Variants in VTI1A observed in about 807,000 individuals in gnomAD.
The protein encoded by VTI1A is vesicle transport through interaction with t-SNAREs homolog 1A.
In VTI1A, 22 loss-of-function variants were observed where a neutral mutation model predicts 34.9. The observed-to-expected ratio is 0.63, with a 90% CI of 0.45 to 0.90. The LOEUF (loss-of-function observed/expected upper bound fraction) is 0.90, where lower values mean the gene tolerates loss of function less well. Among genes scored for constraint, VTI1A ranks in the 40% least tolerant of loss-of-function variants. The pLI is 0.00. For synonymous variants in VTI1A, 87 were observed against 97.3 expected (o/e 0.89, Z 0.62); for missense variants, 268 against 275.6 (o/e 0.97, Z 0.20).
the VTI1A span, among the ~76,000 whole-genome samples, chr10:112,848,901 G>A: frequency 0.022 from 3,313 of 152,226 alleles, 117 homozygotes; most frequent in African/African-American, 0.076. Flanking sequence ...AAGGGTAGGG[G>A]GTCATCTTTC....
Position 112,527,706 on chromosome 10 carries a change from CATAATA to C in VTI1A, c.342+570_342+575del, listed in dbSNP as rs57108083. On this transcript the variant is annotated intron_variant, in intron 4 of 7. Transcript: ENST00000393077. Reference sequence around the variant, plus strand: ...GGAACTGCTTCTGTCAAATAATAGTCATAATAATAATAATAATAATAATAATAATAA... The same window carrying C: ...GGAACTGCTTCTGTCAAATAATAGTCATAATAATAATAATAATAATAATAA... 8.1e-3 allele frequency among the ~76,000 whole-genome samples: 1,192 copies of C among 147,078 alleles called. 16 individuals carry two copies. The highest frequency in any genetic ancestry group is 0.027 in the African/African-American group (1,083 of 39,940).
chr10:112,457,717 C>T (rs891922681), intron 1 of VTI1A, among the ~76,000 whole-genome samples: 1 of 152,056 alleles, frequency 6.6e-6, no homozygotes, highest in Non-Finnish European at 1.5e-5. Flanking sequence ...GGGACATAGA[C>T]GATAGTCATA....
the VTI1A span, among the ~76,000 whole-genome samples, chr10:112,837,853 T>G: frequency 6.6e-6 from 1 of 152,148 alleles, no homozygotes; most frequent in East Asian, 1.9e-4. Flanking sequence ...TGCCTCACAG[T>G]CATGAAATGA....
chr10:112,557,295 TG>T (rs1202713458), intron 5 of VTI1A, among the ~76,000 whole-genome samples: 1 of 152,170 alleles, frequency 6.6e-6, no homozygotes, highest in East Asian at 1.9e-4. Context: ...GATCATAACT[TG>T]GAGTGTGTAC....
intron 7 of VTI1A, among the ~76,000 whole-genome samples, chr10:112,684,616 T>C (rs1004293104): frequency 1.4e-4 from 22 of 152,008 alleles, no homozygotes; most frequent in Non-Finnish European, 5.9e-5. Context: ...CTTTTTTGTA[T>C]TTTTAGTAGA....
At chr10:112,496,085 C>T (rs866952544) in intron 3 of VTI1A, among the ~76,000 whole-genome samples, 40 of 147,044 alleles carry the variant, frequency 2.7e-4, no homozygotes, top group Middle Eastern at 3.5e-3. Flanking sequence ...TGGCCAGGTG[C>T]GATGGCTCAC....
At chr10:112,630,951 G>A (rs1276393495) in intron 5 of VTI1A, among the ~76,000 whole-genome samples, 3 of 152,114 alleles carry the variant, frequency 2.0e-5, no homozygotes, top group South Asian at 4.2e-4. Context: ...ATGAAACCCC[G>A]TCTCTACTAA....
chr10:112,854,292 C>T, the VTI1A span, among the ~76,000 whole-genome samples: 1 of 152,194 alleles, frequency 6.6e-6, no homozygotes, highest in African/African-American at 2.4e-5. Context: ...GAACTAAGTC[C>T]ATTAGCCCAA....
At chr10:112,834,299 T>C in the VTI1A span, among the ~76,000 whole-genome samples, 8 of 152,188 alleles carry the variant, frequency 5.3e-5, no homozygotes, top group African/African-American at 1.4e-4. Flanking sequence ...TCAAGTGAGC[T>C]GATGCCTGCT....
At chr10:112,485,419 A>C (rs1256188442) in intron 3 of VTI1A, 1 of 152,208 alleles carries the variant, frequency 6.6e-6, no homozygotes, top group Non-Finnish European at 1.5e-5. Context: ...ATATGATTTG[A>C]TGTTGTATTT....
intron 1 of VTI1A, among the ~76,000 whole-genome samples, chr10:112,451,970 A>T (rs896621337): frequency 2.0e-5 from 3 of 152,216 alleles, no homozygotes; most frequent in Non-Finnish European, 4.4e-5. Context: ...ATTAAAACTA[A>T]TTTCACTTGT....
intron 5 of VTI1A, among the ~76,000 whole-genome samples, chr10:112,568,273 G>A (rs1026673418): frequency 6.6e-6 from 1 of 152,108 alleles, no homozygotes; most frequent in African/African-American, 2.4e-5. Flanking sequence ...TTGAGAGGCC[G>A]AGGTGGGCAG....
the VTI1A span, among the ~76,000 whole-genome samples, chr10:112,846,143 G>A: frequency 1.3e-5 from 2 of 152,182 alleles, no homozygotes; most frequent in African/African-American, 2.4e-5. Context: ...CAAAATAAGC[G>A]AGTCATCTTC....
intron 5 of VTI1A, among the ~76,000 whole-genome samples, chr10:112,592,737 T>C (rs543908165): frequency 2.0e-5 from 3 of 152,360 alleles, no homozygotes; most frequent in South Asian, 4.1e-4. Flanking sequence ...GGTGCCCATA[T>C]ACATTTACAC....
chr10:112,466,685 A>G (rs1847905760), intron 3 of VTI1A, among the ~76,000 whole-genome samples: 1 of 152,196 alleles, frequency 6.6e-6, no homozygotes, highest in African/African-American at 2.4e-5. Flanking sequence ...TAGCTTGCTT[A>G]CCTCATTTTT....
At chr10:112,656,267 G>A (rs559562089) in intron 5 of VTI1A, among the ~76,000 whole-genome samples, 1 of 152,060 alleles carries the variant, frequency 6.6e-6, no homozygotes, top group Non-Finnish European at 1.5e-5. Context: ...AGGAGCTGTG[G>A]CATGTATGGC....
intron 7 of VTI1A, among the ~76,000 whole-genome samples, chr10:112,676,863 A>G (rs904539821): frequency 6.6e-6 from 1 of 152,192 alleles, no homozygotes; most frequent in Non-Finnish European, 1.5e-5. Context: ...AAAGGTTCCA[A>G]CAATATTGTC....
At chr10:112,582,585 G>A (rs1446160985) in intron 5 of VTI1A, among the ~76,000 whole-genome samples, 1 of 152,116 alleles carries the variant, frequency 6.6e-6, no homozygotes, top group African/African-American at 2.4e-5. Context: ...TAGAAAAGTA[G>A]TGATTTTAAA....
chr10:112,614,097 A>G (rs963112796), intron 5 of VTI1A, among the ~76,000 whole-genome samples: 5 of 152,092 alleles, frequency 3.3e-5, no homozygotes, highest in African/African-American at 1.2e-4. Context: ...AGGTTCCAGT[A>G]AGTTGATTGT....
Sources: allele counts gnomAD v4.1 joint callset (sites outside exome capture counted in the v4.1 genomes callset), GRCh38; gene constraint gnomAD v4.1.1; transcripts MANE v1.5; gene names NCBI Gene and HGNC (gene_info 2026-07-23, HGNC 2026-07-21).